KCNH1: variants seen among roughly 807,000 people sequenced by gnomAD.
The protein encoded by KCNH1 is voltage-gated delayed rectifier potassium channel KCNH1.
In KCNH1, 27 loss-of-function variants were observed where a neutral mutation model predicts 69.2. The ratio of observed to expected loss-of-function variants is 0.39; its 90% CI spans 0.29 to 0.54. The LOEUF is 0.54. KCNH1 is among the 20% of genes least tolerant of loss of function. KCNH1 has a pLI of 0.68. For synonymous variants in KCNH1, 456 were observed against 487.7 expected (o/e 0.93, Z 0.86); for missense variants, 798 against 1,261.6 (o/e 0.63, Z 5.57).
intron 6 of KCNH1, among the ~76,000 whole-genome samples, chr1:210,973,279 C>T (rs937016557): frequency 1.3e-5 from 2 of 152,030 alleles, no homozygotes; most frequent in Non-Finnish European, 2.9e-5. Flanking sequence ...AATATGAGAT[C>T]GATCACCTTC....
chr1:210,831,660 A>T (rs1389035822), intron 7 of KCNH1, among the ~76,000 whole-genome samples: 2 of 152,170 alleles, frequency 1.3e-5, no homozygotes, highest in Admixed American at 1.3e-4. Flanking sequence ...TAGGGTAACC[A>T]AGAGTAAATA....
At chr1:210,826,830 G>A (rs184927814) in intron 7 of KCNH1, among the ~76,000 whole-genome samples, 1 of 152,340 alleles carries the variant, frequency 6.6e-6, no homozygotes, top group African/African-American at 2.4e-5. Flanking sequence ...GCAGAACCCA[G>A]TGAGCAATTA....
intron 7 of KCNH1, among the ~76,000 whole-genome samples, chr1:210,869,381 T>C (rs933519476): frequency 1.3e-5 from 2 of 152,122 alleles, no homozygotes; most frequent in Non-Finnish European, 2.9e-5. Flanking sequence ...TCCAGTGATA[T>C]GCATATTTAC....
Position 211,010,324 on chromosome 1 carries a change from C to T in KCNH1, c.1032+8459G>A, listed in dbSNP as rs776538082. Among the ~76,000 whole-genome samples the T allele has an allele frequency of 5.3e-5, 8 of 152,198 alleles. No homozygotes were observed. The South Asian group carries it at 1.0e-3, about 20-fold the overall frequency. On this transcript the variant is annotated intron_variant, in intron 6 of 10. Transcript: ENST00000271751. ...AAGCAGGGACACGTTATTTCCCTAA[C>T]TCATTCTCACCACTGCTTCCTAGGT...
intron 1 of KCNH1, among the ~76,000 whole-genome samples, chr1:211,123,839 G>A (rs970729527): frequency 6.6e-6 from 1 of 152,096 alleles, no homozygotes; most frequent in African/African-American, 2.4e-5. Flanking sequence ...GAGACCAAAG[G>A]CCAGAGGGAG....
At chr1:211,107,065 G>A (rs539174530) in intron 2 of KCNH1, among the ~76,000 whole-genome samples, 189 bp downstream of exon 2, 1 of 152,168 alleles carries the variant, frequency 6.6e-6, no homozygotes, top group South Asian at 2.1e-4. Flanking sequence ...GTCAGTTGTG[G>A]GAACTATGTT....
Position 211,083,553 on chromosome 1 carries a change from C to T in KCNH1, c.440-655G>A, listed in dbSNP as rs541123029. On this transcript the variant is annotated intron_variant, in intron 4 of 10. Transcript: ENST00000271751. Reference sequence around the variant, plus strand: ...AGTGATCTTGACACCTTTTAAAGGCCCCCAAAGACAACTGTCCATTTCAAC... The same window carrying T: ...AGTGATCTTGACACCTTTTAAAGGCTCCCAAAGACAACTGTCCATTTCAAC... Among the ~76,000 whole-genome samples, 10 of 152,152 alleles carry T rather than the reference C, an allele frequency of 6.6e-5. No homozygotes were observed. In the South Asian group the frequency reaches 1.7e-3, roughly 25 times the overall value.
At chr1:210,777,117 C>CTGTA (rs1274485800) in intron 9 of KCNH1, among the ~76,000 whole-genome samples, 1 of 152,198 alleles carries the variant, frequency 6.6e-6, no homozygotes, top group African/African-American at 2.4e-5. Flanking sequence ...ATCAAAGGAC[C>CTGTA]TGTAGCTCAG....
rs552991769 is a variant in KCNH1, at chr1:211,089,108, A to G, written c.439+1454T>C. 8.9e-4 allele frequency among the ~76,000 whole-genome samples: 136 copies of G among 152,300 alleles called. 1 individual carries two copies. The highest frequency in any genetic ancestry group is 1.7e-3 in the Non-Finnish European group (113 of 68,028). On this transcript the variant is annotated intron_variant, in intron 4 of 10. Transcript: ENST00000271751. ...AAAACAAAACATTTTGATTCAACCAAATCACATAACTTAAGTTTTTAAGAG... is the reference window on the plus strand; with the variant it reads ...AAAACAAAACATTTTGATTCAACCAGATCACATAACTTAAGTTTTTAAGAG...
At chr1:211,045,432 A>G (rs904784076) in intron 5 of KCNH1, among the ~76,000 whole-genome samples, 5 of 152,108 alleles carry the variant, frequency 3.3e-5, no homozygotes, top group African/African-American at 1.2e-4. Context: ...AAAATTAAAA[A>G]GAAAAAAAGA....
rs549492095 is a variant in KCNH1 at position 210,903,532 on chromosome 1, T to C, written c.1462+16108A>G. 1.1e-4 allele frequency among the ~76,000 whole-genome samples: 17 copies of C among 152,300 alleles called. No individual in the cohort carries two copies. The East Asian group carries it at 2.9e-3, about 26-fold the overall frequency. ...TCAACAAATAGCAAAATTTTTTTCATGGATATACAGGCTCAGGGTAAAAAA... is the reference window on the plus strand; with the variant it reads ...TCAACAAATAGCAAAATTTTTTTCACGGATATACAGGCTCAGGGTAAAAAA... On this transcript the variant is annotated intron_variant, in intron 7 of 10. Coordinates refer to ENST00000271751, the MANE Select transcript of KCNH1 (RefSeq NM_172362.3).
At chr1:211,007,412 A>G (rs1032679946) in intron 6 of KCNH1, among the ~76,000 whole-genome samples, 18 of 152,204 alleles carry the variant, frequency 1.2e-4, no homozygotes, top group African/African-American at 4.3e-4. Flanking sequence ...ATTTTTCACT[A>G]ACATTTGTCT....
chr1:210,861,995 C>T, intron 7 of KCNH1: 1 of 763,604 alleles, frequency 1.3e-6, no homozygotes, highest in Non-Finnish European at 2.4e-6. Context: ...TGGATAATGG[C>T]TTCTACAATA....
chr1:210,797,768 G>C lies in KCNH1; in HGVS notation c.1663-8C>G, dbSNP rs979178451. 16 of 1,606,838 alleles carry C rather than the reference G, an allele frequency of 1.0e-5. No individual in the cohort carries two copies. The highest frequency in any genetic ancestry group is 1.3e-5 in the African/African-American group (1 of 74,734). On this transcript the variant is annotated splice_region_variant and splice_polypyrimidine_tract_variant and intron_variant, in intron 8 of 10. Coordinates refer to ENST00000271751, the MANE Select transcript of KCNH1 (RefSeq NM_172362.3). ...GGGGCAGATCTGCAGGACCTAGCCA[G>C]GTACAGAAAAAAACAGTGTGAGGGT...
chr1:210,713,430 TTC>T (rs113599289), intron 10 of KCNH1, among the ~76,000 whole-genome samples: 1,808 of 152,342 alleles, frequency 0.012, 51 homozygotes, highest in Admixed American at 0.059. Flanking sequence ...ATGTGGTCTG[TTC>T]TCTCCTTTCT....
At chr1:210,833,841 A>G (rs1188148922) in intron 7 of KCNH1, among the ~76,000 whole-genome samples, 2 of 152,202 alleles carry the variant, frequency 1.3e-5, no homozygotes, top group Non-Finnish European at 2.9e-5. Flanking sequence ...TTTACAAGAA[A>G]AAAACAAACA....
chr1:210,762,000 C>G (rs1049424342), intron 10 of KCNH1, among the ~76,000 whole-genome samples: 1 of 152,094 alleles, frequency 6.6e-6, no homozygotes, highest in Non-Finnish European at 1.5e-5. Context: ...CTTGGTCATA[C>G]AGCAAGTCTC....
At chr1:210,836,369 A>C (rs1685283238) in intron 7 of KCNH1, among the ~76,000 whole-genome samples, 3 of 152,174 alleles carry the variant, frequency 2.0e-5, no homozygotes, top group Admixed American at 2.0e-4. Flanking sequence ...AAGTTGTATA[A>C]CATTATTGAA....
intron 7 of KCNH1, among the ~76,000 whole-genome samples, chr1:210,864,122 T>C (rs1443693767): frequency 6.6e-6 from 1 of 152,176 alleles, no homozygotes; most frequent in Non-Finnish European, 1.5e-5. Flanking sequence ...TCCCCTCTGA[T>C]ACCAGCTGAG....
Sources: gnomAD v4.1 joint callset for allele counts (sites outside exome capture counted in the v4.1 genomes callset) on GRCh38, gnomAD v4.1.1 for gene constraint, MANE v1.5 for transcripts, NCBI Gene and HGNC (gene_info 2026-07-23, HGNC 2026-07-21) for gene names.